CBLN2: variants seen among roughly 807,000 people sequenced by gnomAD.
CBLN2 encodes cerebellin 2 precursor, also known as cerebellin-2.
Under a neutral mutation model 15.0 loss-of-function variants are expected in CBLN2, and 7 were observed. The observed-to-expected ratio is 0.47, with a 90% CI of 0.27 to 0.88. The LOEUF is 0.88. Ranked by LOEUF, CBLN2 falls within the 40% of genes least tolerant of loss-of-function variation. The probability of loss-of-function intolerance (pLI) is 0.14; values close to 1 mark genes in which losing one functional copy is unlikely to be tolerated. For missense variants in CBLN2, 242 were observed against 304.5 expected (o/e 0.79, Z 1.53); for synonymous variants, 149 against 135.2 (o/e 1.10, Z -0.71).
In CBLN2 at chr18:72,615,282, A is replaced by ATAT. The variant is rs753523753; in HGVS notation, c.15+23042_15+23043insATA. 6.8e-4 allele frequency among the ~76,000 whole-genome samples: 56 copies of ATAT among 81,874 alleles called. 2 individuals carry two copies. The highest frequency in any genetic ancestry group is 3.6e-3 in the South Asian group (11 of 3,030). The allele number at this position is 81,874 out of a possible 152,430, so 53.7% of individuals were successfully genotyped here. The stretch of plus-strand genomic sequence containing the variant: ...ATATGTATATATTATATATATATAT[A>ATAT]TTTTTTTTTTGAGACAGAGTTTTGC... On this transcript the variant is annotated intron_variant, in intron 1 of 2. Transcript: ENST00000581073.
intron 1 of CBLN2, chr18:72,618,651 A>G (rs9952142): frequency 0.14 from 127,082 of 916,604 alleles, 13,753 homozygotes; most frequent in African/African-American, 0.45. Context: ...AACAGTCTGG[A>G]AAAATCGAAG....
chr18:72,631,433 TAAA>T (rs10715292), intron 1 of CBLN2, among the ~76,000 whole-genome samples: 2 of 148,040 alleles, frequency 1.4e-5, no homozygotes, highest in East Asian at 2.0e-4. Context: ...TAGTGTGTAT[TAAA>T]AAAAAAAAAA....
chr18:72,549,490 CA>C (rs1446076485), intron 1 of CBLN2, among the ~76,000 whole-genome samples: 2 of 152,172 alleles, frequency 1.3e-5, no homozygotes, highest in African/African-American at 4.8e-5. Flanking sequence ...GTTAAACTCA[CA>C]TCAGAAAATG....
intron 1 of CBLN2, among the ~76,000 whole-genome samples, chr18:72,616,307 A>G (rs1276966182): frequency 2.6e-5 from 4 of 152,208 alleles, no homozygotes; most frequent in Admixed American, 6.5e-5. Flanking sequence ...CTTAATGAAT[A>G]TGTTCCTACT....
In CBLN2 at chr18:72,542,263, G is replaced by T; in HGVS notation, c.-103C>A. 2 of 705,640 alleles carry T rather than the reference G, an allele frequency of 2.8e-6. No individual in the cohort carries two copies. Among genetic ancestry groups the T allele is most frequent in the Non-Finnish European group, 3.7e-6 (2 of 535,244 alleles). 43.7% of individuals were successfully genotyped at this position (705,640 alleles called of 1,614,324 possible). A position where few individuals can be genotyped will look rare whatever the true frequency, so the allele number is the denominator to read the frequency against. On this transcript the variant is annotated 5_prime_UTR_variant, in exon 3 of 5. Transcript: ENST00000269503. ...GCGGAGCTCGCAGCAGCCTCCGGGG[G>T]CCTTCGTCCCCGGCTCTGACGTTCA... is the stretch of plus-strand genomic sequence containing the variant.
chr18:72,630,211 T>C (rs1413856458), intron 1 of CBLN2, among the ~76,000 whole-genome samples: 1 of 152,146 alleles, frequency 6.6e-6, no homozygotes, highest in Non-Finnish European at 1.5e-5. Context: ...TATCATTCGA[T>C]GTCTAGATAG....
intron 1 of CBLN2, among the ~76,000 whole-genome samples, chr18:72,572,137 G>T (rs1179529862): frequency 6.6e-6 from 1 of 152,078 alleles, no homozygotes; most frequent in African/African-American, 2.4e-5. Context: ...ATTTCAGCTG[G>T]TCATTCCTCC....
At chr18:72,608,656 T>C (rs2069600607) in intron 1 of CBLN2, among the ~76,000 whole-genome samples, 1 of 152,240 alleles carries the variant, frequency 6.6e-6, no homozygotes, top group African/African-American at 2.4e-5. Flanking sequence ...TAAGGGACCA[T>C]TTTCAAAGTG....
At chr18:72,578,216 G>A (rs1000814798) in intron 1 of CBLN2, among the ~76,000 whole-genome samples, 1 of 152,166 alleles carries the variant, frequency 6.6e-6, no homozygotes, top group South Asian at 2.1e-4. Flanking sequence ...AATTAGCAAA[G>A]TTTTCATACA....
At chr18:72,630,396 T>G (rs1435173985) in intron 1 of CBLN2, among the ~76,000 whole-genome samples, 2 of 152,160 alleles carry the variant, frequency 1.3e-5, no homozygotes, top group East Asian at 3.9e-4. Context: ...TTCCTAAAGT[T>G]AGGGATTTGT....
At chr18:72,618,250 C>T in intron 1 of CBLN2, 1 of 292,182 alleles carries the variant, frequency 3.4e-6, no homozygotes, top group South Asian at 5.6e-5. Context: ...GTTAAAGTCT[C>T]TCTTTCCCCT....
At position 72,537,751 on chromosome 18, in the gene CBLN2, G is replaced by C. The variant is rs1827636257; in HGVS notation, c.*425C>G. ...AACACATGTCAAGGACTGTCCAGCA[G>C]GTGGTTCTTTGCTGGGCTCCTACTT... is the stretch of plus-strand genomic sequence containing the variant. On this transcript the variant is annotated 3_prime_UTR_variant, in exon 5 of 5. Transcript: ENST00000269503. 1 of 263,708 alleles carries C rather than the reference G, an allele frequency of 3.8e-6. No homozygotes were observed. The highest frequency in any genetic ancestry group is 1.0e-4 in the East Asian group (1 of 9,980). The allele number at this position is 263,708 out of a possible 1,614,324, so 16.3% of individuals were successfully genotyped here.
intron 1 of CBLN2, among the ~76,000 whole-genome samples, chr18:72,594,613 A>G (rs929732249): frequency 6.6e-6 from 1 of 152,042 alleles, no homozygotes; most frequent in Admixed American, 6.6e-5. Flanking sequence ...GATAGGTACT[A>G]GTTCTTTAGA....
intron 3 of CBLN2, 25 bp from the exon 4 acceptor site, chr18:72,538,797 A>C (rs2069087870): frequency 6.2e-7 from 1 of 1,610,568 alleles, no homozygotes; most frequent in Admixed American, 1.7e-5. Flanking sequence ...GGAACACAGC[A>C]CACAATGGCA....
At position 72,612,608 on chromosome 18, in the gene CBLN2, C is replaced by T. The variant is rs997883250; in HGVS notation, c.15+25717G>A. ...TCTAATAAAAAACATTGCCTCTCTG[C>T]AATACACACAATCTTACTGCACCTG... On this transcript the variant is annotated intron_variant, in intron 1 of 2. Transcript: ENST00000581073. Among the ~76,000 whole-genome samples the T allele has an allele frequency of 3.3e-5, 5 of 152,100 alleles. No individual in the cohort carries two copies. The South Asian group carries it at 8.3e-4, about 25-fold the overall frequency.
intron 1 of CBLN2, among the ~76,000 whole-genome samples, chr18:72,556,670 A>G (rs1436517470): frequency 1.3e-5 from 2 of 152,188 alleles, no homozygotes; most frequent in Non-Finnish European, 2.9e-5. Context: ...TACTAGTGAG[A>G]CTACTGGTTC....
chr18:72,634,908 G>A (rs1055634625), intron 1 of CBLN2, among the ~76,000 whole-genome samples: 7 of 152,078 alleles, frequency 4.6e-5, no homozygotes, highest in Non-Finnish European at 7.4e-5. Flanking sequence ...AATGAACCAC[G>A]CAGTTTTTGT....
intron 1 of CBLN2, chr18:72,625,266 T>A (rs2069728393): frequency 6.6e-6 from 1 of 152,138 alleles, no homozygotes; most frequent in Non-Finnish European, 1.5e-5. Flanking sequence ...CTTTGTGTAT[T>A]TCATGCTAAG....
chr18:72,545,732 C>A (rs904682782), upstream of CBLN2, among the ~76,000 whole-genome samples: 2 of 152,176 alleles, frequency 1.3e-5, no homozygotes, highest in Non-Finnish European at 2.9e-5. Flanking sequence ...ATGTGAGACA[C>A]AGACATAATT....
Sources: allele counts gnomAD v4.1 joint callset (sites outside exome capture counted in the v4.1 genomes callset), GRCh38; gene constraint gnomAD v4.1.1; transcripts MANE v1.5; gene names NCBI Gene and HGNC (gene_info 2026-07-23, HGNC 2026-07-21).